The following LRRTM4 variants were observed in gnomAD, a reference collection of about 807,000 sequenced individuals.
The protein encoded by LRRTM4 is leucine-rich repeat transmembrane neuronal protein 4.
A neutral mutation model predicts 47.6 loss-of-function variants in LRRTM4; 25 were observed. The observed-to-expected ratio is 0.53, with a 90% CI of 0.38 to 0.73. The LOEUF is 0.73. Ranked by LOEUF, LRRTM4 falls within the 30% of genes least tolerant of loss-of-function variation. The pLI is 0.00. For synonymous variants in LRRTM4, 311 were observed against 269.5 expected (o/e 1.15, Z -1.51); for missense variants, 638 against 713.4 (o/e 0.89, Z 1.20).
At chr2:77,437,406 AC>A (rs1265362065) in intron 3 of LRRTM4, among the ~76,000 whole-genome samples, 1 of 151,964 alleles carries the variant, frequency 6.6e-6, no homozygotes, top group African/African-American at 2.4e-5. Flanking sequence ...CATTATCTCA[AC>A]CCCACTGACT....
chr2:77,159,523 G>GAAAAAAAAAAAA (rs374578663), intron 3 of LRRTM4, among the ~76,000 whole-genome samples: 1 of 110,732 alleles, frequency 9.0e-6, no homozygotes. Flanking sequence ...AAGTATAATG[G>GAAAAAAAAAAAA]AAAAAAAAAA....
intron 3 of LRRTM4, among the ~76,000 whole-genome samples, chr2:76,952,959 A>T (rs897946885): frequency 1.3e-5 from 2 of 151,920 alleles, no homozygotes; most frequent in Non-Finnish European, 2.9e-5. Flanking sequence ...GTTCTCCCTT[A>T]TAAGTGGGAG....
At chr2:76,918,464 T>G (rs1022349134) in intron 3 of LRRTM4, among the ~76,000 whole-genome samples, 6 of 152,192 alleles carry the variant, frequency 3.9e-5, no homozygotes, top group Non-Finnish European at 7.4e-5. Context: ...TTAAGATACA[T>G]TTGTCTAATA....
intron 3 of LRRTM4, among the ~76,000 whole-genome samples, chr2:77,489,149 T>C (rs965952022): frequency 6.6e-6 from 1 of 152,082 alleles, no homozygotes; most frequent in Non-Finnish European, 1.5e-5. Flanking sequence ...TATATCTTGA[T>C]TTTTCAGTAC....
At chr2:76,956,773 G>T (rs978647763) in intron 3 of LRRTM4, among the ~76,000 whole-genome samples, 1 of 148,754 alleles carries the variant, frequency 6.7e-6, no homozygotes, top group African/African-American at 2.5e-5. Flanking sequence ...TACAAATAAG[G>T]CCACAAAAGA....
intron 3 of LRRTM4, among the ~76,000 whole-genome samples, chr2:76,786,265 T>G (rs4852415): frequency 0.4 from 60,809 of 151,588 alleles, 13,490 homozygotes; most frequent in Non-Finnish European, 0.51. Context: ...TATTTTCCAA[T>G]TGATCAATTT....
At chr2:76,944,940 C>T (rs1921626) in intron 3 of LRRTM4, among the ~76,000 whole-genome samples, 16,775 of 152,056 alleles carry the variant, frequency 0.11, 1,373 homozygotes, top group East Asian at 0.46. Flanking sequence ...GATGACAGAG[C>T]TTCCTTGGGA....
chr2:77,108,661 G>T lies in LRRTM4; in HGVS notation c.1552-359745C>A, dbSNP rs187264647. On this transcript the variant is annotated intron_variant, in intron 3 of 3. Coordinates refer to ENST00000409884, the MANE Select transcript of LRRTM4 (RefSeq NM_001134745.3). Reference sequence around the variant, plus strand: ...TGCAGTGGCGGGATCTGGGCTCACTGCAAGCTCCGCCTCCCGGGTTCACGC... The same window carrying T: ...TGCAGTGGCGGGATCTGGGCTCACTTCAAGCTCCGCCTCCCGGGTTCACGC... Among the ~76,000 whole-genome samples, 775 of 148,606 alleles carry T rather than the reference G, an allele frequency of 5.2e-3. 9 individuals are homozygous for T. The highest frequency in any genetic ancestry group is 0.019 in the African/African-American group (744 of 40,166).
chr2:76,943,443 AAAAT>A (rs1675219378), intron 3 of LRRTM4, among the ~76,000 whole-genome samples: 2 of 152,206 alleles, frequency 1.3e-5, no homozygotes, highest in African/African-American at 2.4e-5. Context: ...TCAAAACAAA[AAAAT>A]AAATTAATTA....
intron 3 of LRRTM4, among the ~76,000 whole-genome samples, chr2:77,304,134 T>G (rs956082505): frequency 3.3e-5 from 5 of 152,208 alleles, no homozygotes; most frequent in Admixed American, 3.3e-4. Flanking sequence ...TTTTGGATAA[T>G]GGGCATTCTA....
intron 3 of LRRTM4, among the ~76,000 whole-genome samples, chr2:77,035,423 G>T (rs985580831): frequency 6.6e-6 from 1 of 151,796 alleles, no homozygotes; most frequent in Admixed American, 6.6e-5. Context: ...ACGAAGGTCC[G>T]TCCTCCCTTT....
rs374939871 is a variant in LRRTM4, at chr2:77,402,839, T to C, written c.1551+115479A>G. 3.6e-4 allele frequency among the ~76,000 whole-genome samples: 54 copies of C among 152,112 alleles called. 1 individual carries two copies. The South Asian group carries it at 0.011, about 32-fold the overall frequency. On this transcript the variant is annotated intron_variant, in intron 3 of 3. Coordinates refer to ENST00000409884, the MANE Select transcript of LRRTM4 (RefSeq NM_001134745.3). ...TCATTTTCAATTTACATCCCGAAACTAGAATTTTCTAAAATTCTTGCTTTA... is the reference window on the plus strand; with the variant it reads ...TCATTTTCAATTTACATCCCGAAACCAGAATTTTCTAAAATTCTTGCTTTA...
intron 3 of LRRTM4, among the ~76,000 whole-genome samples, chr2:77,478,477 CAGCAGTT>C (rs1332407329): frequency 6.6e-6 from 1 of 152,168 alleles, no homozygotes; most frequent in Non-Finnish European, 1.5e-5. Context: ...TGTCCTAGAT[CAGCAGTT>C]AGCATTTTAA....
intron 3 of LRRTM4, among the ~76,000 whole-genome samples, chr2:77,489,315 A>G (rs1212250938): frequency 6.6e-6 from 1 of 152,182 alleles, no homozygotes; most frequent in Non-Finnish European, 1.5e-5. Context: ...ACAGAAGTGC[A>G]ATTTACCAAC....
chr2:77,095,617 T>C (rs1670790279), intron 3 of LRRTM4, among the ~76,000 whole-genome samples: 1 of 151,808 alleles, frequency 6.6e-6, no homozygotes, highest in South Asian at 2.1e-4. Context: ...ATGATTCTCG[T>C]GCCTCAGCCT....
At chr2:76,817,450 C>T (rs1474688327) in intron 3 of LRRTM4, among the ~76,000 whole-genome samples, 2 of 152,004 alleles carry the variant, frequency 1.3e-5, no homozygotes. Flanking sequence ...TGAACATTTT[C>T]GAGTTATGAG....
intron 3 of LRRTM4, among the ~76,000 whole-genome samples, chr2:77,358,408 G>A (rs1009949943): frequency 4.6e-5 from 7 of 152,080 alleles, no homozygotes; most frequent in African/African-American, 7.2e-5. Context: ...AACCAACCAA[G>A]TCTCTTAAGA....
At chr2:77,289,285 A>G (rs546503047) in intron 3 of LRRTM4, among the ~76,000 whole-genome samples, 1 of 152,016 alleles carries the variant, frequency 6.6e-6, no homozygotes, top group African/African-American at 2.4e-5. Context: ...GAGGTTTTTT[A>G]TTTTTAAAAG....
chr2:77,254,323 G>C (rs1202401618), intron 3 of LRRTM4, among the ~76,000 whole-genome samples: 2 of 151,664 alleles, frequency 1.3e-5, no homozygotes, highest in Admixed American at 1.3e-4. Context: ...CTTCATAAAT[G>C]AGAGGAATAT....
Sources: allele counts gnomAD v4.1 joint callset (sites outside exome capture counted in the v4.1 genomes callset), GRCh38; gene constraint gnomAD v4.1.1; transcripts MANE v1.5; gene names NCBI Gene and HGNC (gene_info 2026-07-23, HGNC 2026-07-21).